The following MYO7B variants were observed in gnomAD, a reference collection of about 807,000 sequenced individuals.
The protein encoded by MYO7B is myosin VIIB, also known as unconventional myosin-VIIb.
MYO7B carries 212 observed loss-of-function variants against 259.7 expected under a neutral mutation model. The ratio of observed to expected loss-of-function variants is 0.82; its 90% CI spans 0.73 to 0.91. MYO7B has a LOEUF of 0.91. MYO7B is among the 40% of genes least tolerant of loss of function. The probability of loss-of-function intolerance (pLI) is 0.00; values close to 1 mark genes in which losing one functional copy is unlikely to be tolerated. For synonymous variants in MYO7B, 1,197 were observed against 1,166.4 expected (o/e 1.03, Z -0.54); for missense variants, 2,732 against 2,813.5 (o/e 0.97, Z 0.66).
chr2:127,558,959 C>T (rs1229704411), intron 1 of MYO7B, among the ~76,000 whole-genome samples: 2 of 152,128 alleles, frequency 1.3e-5, no homozygotes, highest in Non-Finnish European at 2.9e-5. Flanking sequence ...GCTGGTGATG[C>T]GTGCACCAAA....
In MYO7B at chr2:127,636,530, G is replaced by GTCCC. The variant is rs1681822510; in HGVS notation, c.6124-6_6124-3dup. The GTCCC allele has an allele frequency of 1.9e-6, 3 of 1,605,762 alleles. No individual in the cohort carries two copies. Among genetic ancestry groups the GTCCC allele is most frequent in the Non-Finnish European group, 2.6e-6 (3 of 1,176,276 alleles). ...TCCCGGGCTGGACTATGACCGCCGT[G>GTCCC]TCCCTCCCTCCCAGCAAACCTCGGA... On this transcript the variant is annotated splice_polypyrimidine_tract_variant and intron_variant, in intron 45 of 47. Transcript: ENST00000409816. This position sits in a 1 kb window ranked among gnomAD's most constrained non-coding sequence, Gnocchi z 4.5.
chr2:127,557,226 T>C (rs1166289264), intron 1 of MYO7B, among the ~76,000 whole-genome samples: 1 of 152,160 alleles, frequency 6.6e-6, no homozygotes, highest in Non-Finnish European at 1.5e-5. Flanking sequence ...TTTCTCTAAG[T>C]GTGTCCCTTG....
In MYO7B at chr2:127,631,186, A is replaced by G. The variant is rs1334127114; in HGVS notation, c.4938-20A>G. Reference sequence around the variant, plus strand: ...GAGAAGGCCACAGGGCAGGCCTCACACCAGCCTCTAACCTCACAGGGCTCC... The same window carrying G: ...GAGAAGGCCACAGGGCAGGCCTCACGCCAGCCTCTAACCTCACAGGGCTCC... On this transcript the variant is annotated intron_variant, in intron 36 of 47. Coordinates refer to ENST00000409816, the MANE Select transcript of MYO7B (RefSeq NM_001393586.1). The G allele has an allele frequency of 3.8e-6, 6 of 1,578,436 alleles. No individual in the cohort carries two copies. The highest frequency in any genetic ancestry group is 4.3e-6 in the Non-Finnish European group (5 of 1,157,510).
chr2:127,584,095 C>A lies in MYO7B; in HGVS notation c.1344-27C>A. Reference sequence around the variant, plus strand: ...GGGGACTCAGCTGGCCCCACTCCACCCCTGGGCAGTGACCTTGCCTCCACA... The same window carrying A: ...GGGGACTCAGCTGGCCCCACTCCACACCTGGGCAGTGACCTTGCCTCCACA... On this transcript the variant is annotated intron_variant, in intron 12 of 47. Coordinates refer to ENST00000409816, the MANE Select transcript of MYO7B (RefSeq NM_001393586.1). This position sits in a 1 kb window ranked among gnomAD's most constrained non-coding sequence, Gnocchi z 5.8. 6.3e-7 allele frequency: 1 copy of A among 1,598,670 alleles called. No homozygotes were observed. The highest frequency in any genetic ancestry group is 2.3e-5 in the East Asian group (1 of 44,144).
chr2:127,617,487 G>GTTTTTTT (rs35542480), intron 26 of MYO7B, among the ~76,000 whole-genome samples: 1,806 of 84,814 alleles, frequency 0.021, 207 homozygotes, highest in South Asian at 0.052. Context: ...TTGTAACGGG[G>GTTTTTTT]TTTTTTTTTT....
At position 127,608,797 on chromosome 2, in the gene MYO7B, C is replaced by A; in HGVS notation, c.2733C>A (p.Asp911Glu). 6.2e-7 allele frequency: 1 copy of A among 1,613,606 alleles called. No homozygotes were observed. The highest frequency in any genetic ancestry group is 1.7e-5 in the Admixed American group (1 of 60,022). The change falls in exon 22 of 48, where the codon GAC becomes GAA. Residue 911 changes from aspartate to glutamate, a missense_variant. By Grantham distance (45) the Asp-to-Glu change is conservative. This residue lies in a region of MYO7B where 1,906 missense variants were observed against 2,026.4 expected (regional missense o/e 0.94). Coordinates refer to ENST00000409816, the MANE Select transcript of MYO7B (RefSeq NM_001393586.1). The stretch of plus-strand genomic sequence containing the variant: ...GATCCATCTACGACACCGTCACTGA[C>A]ACGGAGATGGTGGAGAAGGTGTTCG... The part of the protein sequence containing the change: ...KRRSIYDTVT[D>E]TEMVEKVFGF...
chr2:127,624,340 G>T lies in MYO7B; in HGVS notation c.4047+20G>T. 6.4e-7 allele frequency: 1 copy of T among 1,554,298 alleles called. No individual in the cohort carries two copies. The highest frequency in any genetic ancestry group is 2.4e-5 in the East Asian group (1 of 41,416). On this transcript the variant is annotated intron_variant, in intron 30 of 47. Transcript: ENST00000409816. Reference sequence around the variant, plus strand: ...GAGAAGGTGAGGGGCCTGAGAGCCAGGTCCACCCTAGGCTTTGCCATCAGG... The same window carrying T: ...GAGAAGGTGAGGGGCCTGAGAGCCATGTCCACCCTAGGCTTTGCCATCAGG...
chr2:127,629,846 G>C lies in MYO7B; in HGVS notation c.4806+20G>C, dbSNP rs769340363. The stretch of plus-strand genomic sequence containing the variant: ...CTGCTGGTAACTGGCACGCTCCCCT[G>C]TCCTCAGCCTGGGTACCCGAGGTCA... On this transcript the variant is annotated intron_variant, in intron 35 of 47. Coordinates refer to ENST00000409816, the MANE Select transcript of MYO7B (RefSeq NM_001393586.1). 17 of 1,533,722 alleles carry C rather than the reference G, an allele frequency of 1.1e-5. No individual in the cohort carries two copies. Among genetic ancestry groups the C allele is most frequent in the Non-Finnish European group, 1.4e-5 (16 of 1,138,570 alleles).
In MYO7B at chr2:127,629,811, C is replaced by T. The variant is rs917396207; in HGVS notation, c.4791C>T (p.Pro1597=). Residue 1597 remains proline (P), a synonymous_variant, in exon 35 of 48, where the codon CCC becomes CCT. Transcript: ENST00000409816. ...CLYTIPTVTK[P]SAQLLSLLAM... is the part of the protein sequence containing the mutation. ...ACACCATCCCCACGGTCACTAAGCCCTCGGCACAGCTGCTGGTAACTGGCA... is the reference window on the plus strand; with the variant it reads ...ACACCATCCCCACGGTCACTAAGCCTTCGGCACAGCTGCTGGTAACTGGCA... The T allele has an allele frequency of 6.4e-6, 10 of 1,566,144 alleles. No individual in the cohort carries two copies. The highest frequency in any genetic ancestry group is 7.8e-6 in the Non-Finnish European group (9 of 1,154,592).
Position 127,627,194 on chromosome 2 carries a change from G to A in MYO7B, c.4344G>A (p.Leu1448=), listed in dbSNP as rs781330877. The A allele has an allele frequency of 6.2e-7, 1 of 1,609,346 alleles. No individual in the cohort carries two copies. The highest frequency in any genetic ancestry group is 8.5e-7 in the Non-Finnish European group (1 of 1,178,114). ...FEVITLSGPR[L]PKTQLILAVN... ...GTCTCTCCTGGCCAGGCCCCCGCCT[G>A]CCCAAGACGCAGCTGATCTTGGCTG... Residue 1448 remains leucine, a synonymous_variant, in exon 33 of 48, where the codon CTG becomes CTA. Transcript: ENST00000409816. This position sits in a 1 kb window ranked among gnomAD's most constrained non-coding sequence, Gnocchi z 5.6.
chr2:127,552,225 G>C (rs949203203), intron 1 of MYO7B, among the ~76,000 whole-genome samples: 1 of 152,172 alleles, frequency 6.6e-6, no homozygotes, highest in South Asian at 2.1e-4. Context: ...TACAGTGAGG[G>C]TGTTTCAATA....
chr2:127,595,327 T>A (rs1679720629), intron 18 of MYO7B, among the ~76,000 whole-genome samples: 1 of 152,202 alleles, frequency 6.6e-6, no homozygotes, highest in South Asian at 2.1e-4. Context: ...CCCTTTATCA[T>A]TTTTTATTGT....
rs1443074492 is a variant in MYO7B at position 127,613,496 on chromosome 2, CAGATT to C, written c.3398+894_3398+898del. ...GCATTGTTTCCTTTATATCCTTGAG[CAGATT>C]TACAGTAGTTTTTAAATCTTTTCTG... is the stretch of plus-strand genomic sequence containing the variant. On this transcript the variant is annotated intron_variant, in intron 26 of 47. Coordinates refer to ENST00000409816, the MANE Select transcript of MYO7B (RefSeq NM_001393586.1). The surrounding 1 kb of genome is among the most constrained non-coding windows in gnomAD (Gnocchi z 4.3). Among the ~76,000 whole-genome samples, 2 of 152,200 alleles carry C rather than the reference CAGATT, an allele frequency of 1.3e-5. No individual in the cohort carries two copies. The highest frequency in any genetic ancestry group is 2.9e-5 in the Non-Finnish European group (2 of 68,028).
chr2:127,580,920 C>A, intron 10 of MYO7B, 98 bp downstream of exon 10: 1 of 1,202,480 alleles, frequency 8.3e-7, no homozygotes, highest in Non-Finnish European at 1.2e-6. Flanking sequence ...CCTACCCAGG[C>A]CCCCACCCCT....
In MYO7B at chr2:127,574,063, G is replaced by A; in HGVS notation, c.735+1G>A. The A allele has an allele frequency of 6.2e-7, 1 of 1,613,918 alleles. No homozygotes were observed. The highest frequency in any genetic ancestry group is 8.5e-7 in the Non-Finnish European group (1 of 1,179,878). On this transcript the variant is annotated splice_donor_variant, in intron 7 of 47. Transcript: ENST00000409816. LOFTEE classifies it high-confidence loss of function. Reference sequence around the variant, plus strand: ...GGAGAAGTCCCGGGTCTGCCGGCAGGTGAGGCCTCCCCCTTCCCAGGTCGG... The same window carrying A: ...GGAGAAGTCCCGGGTCTGCCGGCAGATGAGGCCTCCCCCTTCCCAGGTCGG...
chr2:127,629,962 C>T (rs956551068), intron 35 of MYO7B, 136 bp downstream of exon 35: 2 of 908,630 alleles, frequency 2.2e-6, no homozygotes, highest in East Asian at 3.3e-5. Context: ...CCCGGGCAGC[C>T]CCCACCATTC....
chr2:127,631,670 C>T lies in MYO7B; in HGVS notation c.5166C>T (p.Ile1722=), dbSNP rs370209603. The change falls in exon 38 of 48, where the codon ATC becomes ATT. Residue 1722 remains isoleucine, a synonymous_variant. Coordinates refer to ENST00000409816, the MANE Select transcript of MYO7B (RefSeq NM_001393586.1). ...CCACCCTGGAGCTCACCGACCAGAT[C>T]TTCACACTGGCCCTGCAGCACCCGG... ...AWPTLELTDQ[I]FTLALQHPAL... is the part of the protein sequence containing the mutation. 4.3e-6 allele frequency: 7 copies of T among 1,613,110 alleles called. No homozygotes were observed. Among genetic ancestry groups the T allele is most frequent in the Non-Finnish European group, 5.9e-6 (7 of 1,179,876 alleles).
rs1677975789 is a variant in MYO7B, at chr2:127,559,469, G to A, written c.-23-231G>A. Among the ~76,000 whole-genome samples, 1 of 152,208 alleles carries A rather than the reference G, an allele frequency of 6.6e-6. No homozygotes were observed. The highest frequency in any genetic ancestry group is 1.5e-5 in the Non-Finnish European group (1 of 68,048). On this transcript the variant is annotated intron_variant, in intron 1 of 47. Coordinates refer to ENST00000409816, the MANE Select transcript of MYO7B (RefSeq NM_001393586.1). The surrounding 1 kb of genome is among the most constrained non-coding windows in gnomAD (Gnocchi z 4.1). The stretch of plus-strand genomic sequence containing the variant: ...CTCCCTGTATCAAGCCCAGGACTGG[G>A]TATGAAATACGTCTTCAATAAAGGT...
intron 1 of MYO7B, among the ~76,000 whole-genome samples, chr2:127,555,518 T>C (rs1693604501): frequency 6.6e-6 from 1 of 152,228 alleles, no homozygotes; most frequent in Admixed American, 6.5e-5. Context: ...TCAGATTTTT[T>C]GATGTAGGCA....
Sources: allele counts gnomAD v4.1 joint callset (sites outside exome capture counted in the v4.1 genomes callset), GRCh38; gene constraint gnomAD v4.1.1; regional missense constraint gnomAD v4.1.1; non-coding constraint Gnocchi (gnomAD v3.1); transcripts MANE v1.5; gene names NCBI Gene and HGNC (gene_info 2026-07-23, HGNC 2026-07-21).